The following RAI1 variants were observed in gnomAD, a reference collection of about 807,000 sequenced individuals.
RAI1 encodes retinoic acid-induced protein 1.
RAI1 carries 9 observed loss-of-function variants against 123.8 expected under a neutral mutation model. The observed-to-expected ratio is 0.07, with a 90% CI of 0.04 to 0.13. The LOEUF is 0.13. RAI1 is among the 10% of genes least tolerant of loss of function. RAI1 has a pLI of 1.00. For missense variants in RAI1, 2,256 were observed against 2,545.8 expected (o/e 0.89, Z 2.45); for synonymous variants, 1,231 against 1,127.3 (o/e 1.09, Z -1.84).
At chr17:17,784,819 G>C (rs1199132384) in intron 2 of RAI1, among the ~76,000 whole-genome samples, 1 of 152,198 alleles carries the variant, frequency 6.6e-6, no homozygotes, top group Non-Finnish European at 1.5e-5. Flanking sequence ...AGCTGCAGCA[G>C]CCGGGCCACT....
At chr17:17,727,912 C>T (rs918225458) in intron 2 of RAI1, among the ~76,000 whole-genome samples, 6 of 152,130 alleles carry the variant, frequency 3.9e-5, no homozygotes, top group Non-Finnish European at 7.4e-5. Context: ...CAGTATTCCC[C>T]ATCAGAGGAC....
Position 17,793,748 on chromosome 17 carries a change from A to G in RAI1, c.800A>G (p.His267Arg), listed in dbSNP as rs770792105. The change falls in exon 3 of 6, where the codon CAT becomes CGT. Residue 267 changes from histidine (H) to arginine (R), a missense_variant. Around this residue, in one of 7 missense-constraint regions of RAI1, gnomAD observed 336 missense variants for 349.8 expected, o/e 0.96. Transcript: ENST00000353383. The stretch of plus-strand genomic sequence containing the variant: ...CCGGGGCAGCGGGTCCAGAATCTTC[A>G]TGCCTACCAGTCGGGCCGCCTCAGC... ...LAPGQRVQNL[H>R]AYQSGRLSYD... 2 of 1,612,436 alleles carry G rather than the reference A, an allele frequency of 1.2e-6. No homozygotes were observed. The highest frequency in any genetic ancestry group is 2.2e-5 in the East Asian group (1 of 44,830).
Position 17,800,542 on chromosome 17 carries a change from C to T in RAI1, c.5565+2029C>T, listed in dbSNP as rs1011796814. Among the ~76,000 whole-genome samples the T allele has an allele frequency of 4.6e-5, 7 of 152,226 alleles. No homozygotes were observed. The highest frequency in any genetic ancestry group is 2.1e-4 in the South Asian group (1 of 4,830). ...GTCCCTGGCCCATGGGTGTCTTAAC[C>T]GCCCATGCACACACAAGGTCCTGCT... On this transcript the variant is annotated intron_variant, in intron 3 of 5. Coordinates refer to ENST00000353383, the MANE Select transcript of RAI1 (RefSeq NM_030665.4). This position sits in a 1 kb window ranked among gnomAD's most constrained non-coding sequence, Gnocchi z 4.7.
rs2032461343 is a variant in RAI1 at position 17,801,500 on chromosome 17, T to A, written c.5566-2256T>A. Among the ~76,000 whole-genome samples, 1 of 152,144 alleles carries A rather than the reference T, an allele frequency of 6.6e-6. No homozygotes were observed. Among genetic ancestry groups the A allele is most frequent in the South Asian group, 2.1e-4 (1 of 4,832 alleles). ...GAAGCCTTCAGCCAGAGGACCCCCATATGCTTAAACATCCAGACACCAAGG... is the reference window on the plus strand; with the variant it reads ...GAAGCCTTCAGCCAGAGGACCCCCAAATGCTTAAACATCCAGACACCAAGG... On this transcript the variant is annotated intron_variant, in intron 3 of 5. Coordinates refer to ENST00000353383, the MANE Select transcript of RAI1 (RefSeq NM_030665.4). The surrounding 1 kb of genome is among the most constrained non-coding windows in gnomAD (Gnocchi z 4.1).
intron 2 of RAI1, among the ~76,000 whole-genome samples, chr17:17,783,460 T>A (rs2031689858): frequency 6.6e-6 from 1 of 151,686 alleles, no homozygotes; most frequent in Non-Finnish European, 1.5e-5. Flanking sequence ...TACCTGCCCC[T>A]GAGGGAGTCC....
chr17:17,797,622 G>A lies in RAI1; in HGVS notation c.4674G>A (p.Lys1558=), dbSNP rs1567927882. Residue 1558 remains lysine (K), a synonymous_variant, in exon 3 of 6, where the codon AAG becomes AAA. Coordinates refer to ENST00000353383, the MANE Select transcript of RAI1 (RefSeq NM_030665.4). ...TTSSPCKGRA[K]RRRQQQVLPL... is the part of the protein sequence containing the mutation. ...CTTCACCCTGTAAGGGGCGTGCCAA[G>A]CGACGACGACAGCAGCAGGTGCTGC... 3 of 1,613,976 alleles carry A rather than the reference G, an allele frequency of 1.9e-6. No individual in the cohort carries two copies. The highest frequency in any genetic ancestry group is 1.7e-5 in the Admixed American group (1 of 60,036).
intron 2 of RAI1, among the ~76,000 whole-genome samples, chr17:17,780,869 T>C (rs1407486329): frequency 6.6e-6 from 1 of 152,200 alleles, no homozygotes; most frequent in East Asian, 1.9e-4. Context: ...GGAGGCTGTG[T>C]CCCTGTCTCT....
rs192210068 is a variant in RAI1, at chr17:17,704,580, G to A, written c.-148-19448G>A. ...TCTCAACTCCATCCTCATGAGCTCT[G>A]TGACCTTGGTGAGTCCCTTTTCTGT... is the stretch of plus-strand genomic sequence containing the variant. On this transcript the variant is annotated intron_variant, in intron 1 of 5. Transcript: ENST00000353383. Among the ~76,000 whole-genome samples the A allele has an allele frequency of 1.8e-3, 268 of 152,290 alleles. 2 individuals carry two copies. Among genetic ancestry groups the A allele is most frequent in the African/African-American group, 6.2e-3 (257 of 41,554 alleles).
At chr17:17,693,927 A>T (rs896530361) in intron 1 of RAI1, among the ~76,000 whole-genome samples, 1 of 152,146 alleles carries the variant, frequency 6.6e-6, no homozygotes, top group African/African-American at 2.4e-5. Context: ...GCCGAGTCCC[A>T]GCTCTGCCAC....
rs1019657410 is a variant in RAI1 at position 17,718,273 on chromosome 17, C to T, written c.-148-5755C>T. The stretch of plus-strand genomic sequence containing the variant: ...CAGGGGAGTTGGGACACTGAGGGGA[C>T]ATTCAAATGTTTGGAACATTTGAAA... On this transcript the variant is annotated intron_variant, in intron 1 of 5. Coordinates refer to ENST00000353383, the MANE Select transcript of RAI1 (RefSeq NM_030665.4). 5.3e-5 allele frequency among the ~76,000 whole-genome samples: 8 copies of T among 152,266 alleles called. 1 individual carries two copies. In the East Asian group the frequency reaches 1.5e-3, roughly 29 times the overall value.
rs1024326301 is a variant in RAI1 at position 17,758,330 on chromosome 17, T to A, written c.-17+34171T>A. On this transcript the variant is annotated intron_variant, in intron 2 of 5. Coordinates refer to ENST00000353383, the MANE Select transcript of RAI1 (RefSeq NM_030665.4). ...GCAGAGGAAATGGGTGGCTTACAGC[T>A]GAAAGGAGGTCCCAGCTGCTTTTGG... is the stretch of plus-strand genomic sequence containing the variant. Among the ~76,000 whole-genome samples, 3 of 152,266 alleles carry A rather than the reference T, an allele frequency of 2.0e-5. No homozygotes were observed. In the East Asian group the frequency reaches 5.8e-4, roughly 29 times the overall value.
chr17:17,741,115 G>C (rs960409893), intron 2 of RAI1, among the ~76,000 whole-genome samples: 1 of 149,382 alleles, frequency 6.7e-6, no homozygotes, highest in Non-Finnish European at 1.5e-5. Context: ...ACACACACTC[G>C]CGCACGCACA....
intron 1 of RAI1, among the ~76,000 whole-genome samples, chr17:17,699,489 T>G (rs1023482702): frequency 1.3e-5 from 2 of 152,234 alleles, no homozygotes; most frequent in Non-Finnish European, 2.9e-5. Context: ...CTCATTCATT[T>G]GCTTGACTAG....
At chr17:17,806,821 C>T (rs750625144) in intron 4 of RAI1, among the ~76,000 whole-genome samples, 1 of 152,206 alleles carries the variant, frequency 6.6e-6, no homozygotes, top group Non-Finnish European at 1.5e-5. Flanking sequence ...TTAGCCAAAG[C>T]AGGTCCCAAG....
At chr17:17,689,229 A>T (rs570081844) in intron 1 of RAI1, among the ~76,000 whole-genome samples, 1 of 152,302 alleles carries the variant, frequency 6.6e-6, no homozygotes, top group Non-Finnish European at 1.5e-5. Context: ...AAGTGCAGGG[A>T]TTATAGGCGT....
At chr17:17,808,358 AATTTT>A (rs1046692830) in intron 4 of RAI1, among the ~76,000 whole-genome samples, 1 of 144,190 alleles carries the variant, frequency 6.9e-6, no homozygotes, top group African/African-American at 2.6e-5. Flanking sequence ...TTTATTTTTA[AATTTT>A]ATTTTATTTT....
Position 17,782,079 on chromosome 17 carries a change from C to G in RAI1, c.-16-10854C>G, listed in dbSNP as rs1319658109. 2.0e-5 allele frequency: 3 copies of G among 152,122 alleles called. No individual in the cohort carries two copies. The East Asian group carries it at 5.8e-4, about 30-fold the overall frequency. The allele number at this position is 152,122 out of a possible 1,614,324, so 9.4% of individuals were successfully genotyped here. On this transcript the variant is annotated intron_variant, in intron 2 of 5. Coordinates refer to ENST00000353383, the MANE Select transcript of RAI1 (RefSeq NM_030665.4). ...CCGGGCTCCCCGCCCCCATCCCACCCGGTTCCAATATTTCGCAGAAAGGCA... is the reference window on the plus strand; with the variant it reads ...CCGGGCTCCCCGCCCCCATCCCACCGGGTTCCAATATTTCGCAGAAAGGCA...
At chr17:17,728,573 G>C (rs1567854352) in intron 2 of RAI1, among the ~76,000 whole-genome samples, 1 of 152,132 alleles carries the variant, frequency 6.6e-6, no homozygotes, top group Non-Finnish European at 1.5e-5. Flanking sequence ...GGAAGGTGTT[G>C]AGGGGCACGT....
chr17:17,789,529 A>T (rs565203561), intron 2 of RAI1, among the ~76,000 whole-genome samples: 1 of 152,284 alleles, frequency 6.6e-6, no homozygotes, highest in African/African-American at 2.4e-5. Context: ...TTGTGCCCCC[A>T]CTATGTTCAT....
Sources: gnomAD v4.1 joint callset for allele counts (sites outside exome capture counted in the v4.1 genomes callset) on GRCh38, gnomAD v4.1.1 for gene constraint, gnomAD v4.1.1 regional missense constraint, Gnocchi (gnomAD v3.1) non-coding constraint, MANE v1.5 for transcripts, NCBI Gene and HGNC (gene_info 2026-07-23, HGNC 2026-07-21) for gene names.